The following SSBP4 variants were observed in gnomAD, a reference collection of about 807,000 sequenced individuals.
SSBP4 encodes single-stranded DNA-binding protein 4.
SSBP4 carries 33 observed loss-of-function variants against 64.6 expected under a neutral mutation model. That is an observed-to-expected ratio of 0.51 (90% CI 0.39 to 0.68). SSBP4 has a LOEUF of 0.68. Ranked by LOEUF, SSBP4 falls within the 30% of genes least tolerant of loss-of-function variation. SSBP4 has a pLI of 0.00. For synonymous variants in SSBP4, 243 were observed against 224.0 expected (o/e 1.08, Z -0.76); for missense variants, 583 against 566.8 (o/e 1.03, Z -0.29).
chr19:18,419,005 A>G (rs531033289), upstream of SSBP4: 20 of 985,564 alleles, frequency 2.0e-5, no homozygotes, highest in Admixed American at 1.2e-4. Flanking sequence ...GAGACACCCA[A>G]TGTCACTGCC....
At position 18,426,580 on chromosome 19, in the gene SSBP4, C is replaced by A. The variant is rs1167881147; in HGVS notation, c.60-771C>A. ...TGGACAGTCCGGCCTCCCCCTGTGA[C>A]CTGCAGAGGGCCGTGCTGGAGCCAC... On this transcript the variant is annotated intron_variant, in intron 1 of 17. Transcript: ENST00000270061. The surrounding 1 kb of genome is among the most constrained non-coding windows in gnomAD (Gnocchi z 4.5). Among the ~76,000 whole-genome samples the A allele has an allele frequency of 2.0e-5, 3 of 152,250 alleles. No individual in the cohort carries two copies. The East Asian group carries it at 5.8e-4, about 29-fold the overall frequency.
Position 18,433,227 on chromosome 19 carries a change from C to G in SSBP4, c.991+14C>G, listed in dbSNP as rs369123146. The stretch of plus-strand genomic sequence containing the variant: ...ACGGATCCCTGGGTGAGTGGGCGTC[C>G]CTGCTCCCGCCCACGTTGCCTTCCG... On this transcript the variant is annotated intron_variant, in intron 15 of 17. Coordinates refer to ENST00000270061, the MANE Select transcript of SSBP4 (RefSeq NM_032627.5). 6.4e-7 allele frequency: 1 copy of G among 1,550,464 alleles called. No individual in the cohort carries two copies. The highest frequency in any genetic ancestry group is 1.4e-5 in the African/African-American group (1 of 73,132).
chr19:18,413,394 A>T, the SSBP4 span, among the ~76,000 whole-genome samples: 1 of 152,060 alleles, frequency 6.6e-6, no homozygotes, highest in Non-Finnish European at 1.5e-5. Flanking sequence ...TTGTAATTTT[A>T]GTAGAAATGG....
Position 18,427,804 on chromosome 19 carries a change from C to G in SSBP4, c.185C>G (p.Ser62Cys), listed in dbSNP as rs745755707. 15 of 1,609,902 alleles carry G rather than the reference C, an allele frequency of 9.3e-6. No homozygotes were observed. The highest frequency in any genetic ancestry group is 1.2e-5 in the Non-Finnish European group (14 of 1,176,674). Reference protein sequence around the residue: ...TLGEPPGFLHSWWCVFWDLYC... With the variant: ...TLGEPPGFLHCWWCVFWDLYC... The stretch of plus-strand genomic sequence containing the variant: ...GGGGAGCCCCCTGGGTTCCTGCACT[C>G]CTGGTGGTGGTACGGGCTGGGCTGC... Residue 62 changes from serine to cysteine, a missense_variant, in exon 3 of 18, where the codon TCC (serine) becomes TGC (cysteine). Ser to Cys is a moderately radical substitution (Grantham distance 112). This residue lies in a region of SSBP4 where 43 missense variants were observed against 74.2 expected (regional missense o/e 0.58). Coordinates refer to ENST00000270061, the MANE Select transcript of SSBP4 (RefSeq NM_032627.5). The surrounding 1 kb of genome is among the most constrained non-coding windows in gnomAD (Gnocchi z 4.4).
At position 18,431,358 on chromosome 19, in the gene SSBP4, C is replaced by G; in HGVS notation, c.375C>G (p.Pro125=). The part of the protein sequence containing the change: ...GSMAAGFFQG[P]PGSQPSPHNP... ...ACCTGGTTCTGTCCTCCTAGGGCCC[C>G]CCCGGCTCCCAGCCGTCCCCCCACA... is the stretch of plus-strand genomic sequence containing the variant. Residue 125 remains proline, a synonymous_variant, in exon 6 of 18, where the codon CCC becomes CCG. Transcript: ENST00000270061. 1 of 982,066 alleles carries G rather than the reference C, an allele frequency of 1.0e-6. No individual in the cohort carries two copies. The highest frequency in any genetic ancestry group is 1.5e-6 in the Non-Finnish European group (1 of 655,210). The allele number at this position is 982,066 out of a possible 1,614,324, so 60.8% of individuals were successfully genotyped here.
At chr19:18,428,027 G>A (rs1401439262) in intron 4 of SSBP4, 45 bp downstream of exon 4, 2 of 1,572,072 alleles carry the variant, frequency 1.3e-6, no homozygotes, top group African/African-American at 1.4e-5. Flanking sequence ...GGCGGGAGGT[G>A]TGCTGGGCCT....
rs772356209 is a variant in SSBP4 at position 18,433,063 on chromosome 19, G to A, written c.912+20G>A. On this transcript the variant is annotated intron_variant, in intron 14 of 17. Transcript: ENST00000270061. ...GCTAATGTGAGTGGGGGCTTGCAGG[G>A]GTGCTTCTCGAGGCGGTGACCCCAC... 3 of 1,613,866 alleles carry A rather than the reference G, an allele frequency of 1.9e-6. No homozygotes were observed. Among genetic ancestry groups the A allele is most frequent in the East Asian group, 2.2e-5 (1 of 44,892 alleles).
At chr19:18,412,704 G>T in the SSBP4 span, among the ~76,000 whole-genome samples, 1 of 152,074 alleles carries the variant, frequency 6.6e-6, no homozygotes, top group African/African-American at 2.4e-5. Flanking sequence ...CTGTAACATG[G>T]GGAGAAGAAA....
At chr19:18,420,856 A>G (rs180682626) in intron 1 of SSBP4, among the ~76,000 whole-genome samples, 1 of 151,840 alleles carries the variant, frequency 6.6e-6, no homozygotes, top group Non-Finnish European at 1.5e-5. Flanking sequence ...ATCTCAAAAA[A>G]AAAAAACAAA....
At chr19:18,406,717 TC>T in the SSBP4 span, among the ~76,000 whole-genome samples, 1 of 151,720 alleles carries the variant, frequency 6.6e-6, no homozygotes, top group African/African-American at 2.4e-5. Flanking sequence ...AATCCAGTCT[TC>T]CCCAGAGAGA....
upstream of SSBP4, among the ~76,000 whole-genome samples, chr19:18,417,856 C>T (rs1375034326): frequency 6.6e-6 from 1 of 151,940 alleles, no homozygotes; most frequent in African/African-American, 2.4e-5. This position sits in a 1 kb window ranked among gnomAD's most constrained non-coding sequence, Gnocchi z 5.4. Flanking sequence ...CCCGACTTCC[C>T]GCCGGCCAGA....
chr19:18,433,972 C>G (rs1054148168), intron 17 of SSBP4, 155 bp downstream of exon 17: 4 of 1,177,400 alleles, frequency 3.4e-6, no homozygotes, highest in East Asian at 6.9e-5. Context: ...TCTCCTCAAC[C>G]TCTCCCCACC....
the SSBP4 span, among the ~76,000 whole-genome samples, chr19:18,411,148 T>C: frequency 2.0e-5 from 3 of 152,014 alleles, no homozygotes; most frequent in East Asian, 5.8e-4. Context: ...CCTGCCCGCA[T>C]GGAGCTCAAG....
At chr19:18,411,676 G>C in the SSBP4 span, among the ~76,000 whole-genome samples, 1 of 152,114 alleles carries the variant, frequency 6.6e-6, no homozygotes, top group Non-Finnish European at 1.5e-5. Context: ...AAAGGCCCTG[G>C]GGTGGGATGA....
intron 4 of SSBP4, among the ~76,000 whole-genome samples, chr19:18,429,568 A>C (rs1973174717): frequency 6.6e-6 from 1 of 150,828 alleles, no homozygotes; most frequent in African/African-American, 2.4e-5. Context: ...GGACAGACAC[A>C]GGGCTCAAAG....
chr19:18,423,767 G>A lies in SSBP4; in HGVS notation c.60-3584G>A, dbSNP rs1600296772. ...GTTCCTTCTGCAGGGAGAGCTGCCT[G>A]CTGCTCTTCCGGGTGCCTCCCTGTT... On this transcript the variant is annotated intron_variant, in intron 1 of 17. Transcript: ENST00000270061. This position sits in a 1 kb window ranked among gnomAD's most constrained non-coding sequence, Gnocchi z 4.0. Among the ~76,000 whole-genome samples the A allele has an allele frequency of 6.6e-6, 1 of 152,290 alleles. No individual in the cohort carries two copies. The highest frequency in any genetic ancestry group is 2.4e-5 in the African/African-American group (1 of 41,564).
rs1555726282 is a variant in SSBP4 at position 18,434,315 on chromosome 19, G to A, written c.*69G>A. On this transcript the variant is annotated 3_prime_UTR_variant, in exon 18 of 18. Transcript: ENST00000270061. Reference sequence around the variant, plus strand: ...CCAGCGCCCCTGCTCAGGGCGAGGGGCTGAGGTCACACCTCGGGCACCTGG... The same window carrying A: ...CCAGCGCCCCTGCTCAGGGCGAGGGACTGAGGTCACACCTCGGGCACCTGG... The A allele has an allele frequency of 1.3e-6, 2 of 1,581,710 alleles. No individual in the cohort carries two copies. The highest frequency in any genetic ancestry group is 8.6e-7 in the Non-Finnish European group (1 of 1,164,612).
chr19:18,416,170 A>ACACC (rs1972129304), upstream of SSBP4, among the ~76,000 whole-genome samples: 1 of 151,954 alleles, frequency 6.6e-6, no homozygotes, highest in Admixed American at 6.6e-5. Context: ...GCCCGCCACT[A>ACACC]CACCCAGCTA....
upstream of SSBP4, chr19:18,418,990 G>GAGTGT: frequency 1.0e-6 from 1 of 985,632 alleles, no homozygotes; most frequent in South Asian, 4.7e-5. The surrounding 1 kb of genome is among the most constrained non-coding windows in gnomAD (Gnocchi z 6.7). Context: ...GTAGCTCTGC[G>GAGTGT]GGGTGAGACA....
Sources: allele counts gnomAD v4.1 joint callset (sites outside exome capture counted in the v4.1 genomes callset), GRCh38; gene constraint gnomAD v4.1.1; regional missense constraint gnomAD v4.1.1; non-coding constraint Gnocchi (gnomAD v3.1); transcripts MANE v1.5; gene names NCBI Gene and HGNC (gene_info 2026-07-23, HGNC 2026-07-21).